MARCHF5: variants seen among roughly 807,000 people sequenced by gnomAD.
MARCHF5 encodes membrane associated ring-CH-type finger 5.
In MARCHF5, 5 loss-of-function variants were observed where a neutral mutation model predicts 36.5. The ratio of observed to expected loss-of-function variants is 0.14; its 90% CI spans 0.07 to 0.29. The LOEUF (loss-of-function observed/expected upper bound fraction) is 0.29, where lower values mean the gene tolerates loss of function less well. Ranked by LOEUF, MARCHF5 falls within the 10% of genes least tolerant of loss-of-function variation. MARCHF5 has a pLI of 1.00. For synonymous variants in MARCHF5, 103 were observed against 109.9 expected, an observed-to-expected ratio of 0.94 and a Z score of 0.39; for missense variants, 179 against 336.3, an observed-to-expected ratio of 0.53 and a Z score of 3.66.
chr10:92,297,483 C>CTTTTT (rs965295861), intron 1 of MARCHF5, among the ~76,000 whole-genome samples: 3 of 122,970 alleles, frequency 2.4e-5, no homozygotes, highest in South Asian at 2.6e-4. Flanking sequence ...CAGCTTTCAA[C>CTTTTT]TTTTTTTTTT....
chr10:92,311,057 A>ATC, intron 1 of MARCHF5, 78 bp from the exon 2 acceptor site: 2 of 1,027,634 alleles, frequency 1.9e-6, no homozygotes, highest in Non-Finnish European at 2.9e-6. Context: ...GGCTCATCCC[A>ATC]TTAAGTAAGA....
At chr10:92,339,569 C>T (rs567802074) in intron 2 of MARCHF5, among the ~76,000 whole-genome samples, 21 of 152,154 alleles carry the variant, frequency 1.4e-4, no homozygotes, top group African/African-American at 5.1e-4. Flanking sequence ...ACTCAGGACG[C>T]TGAGGCAGGA....
chr10:92,344,782 TG>T (rs1843621518), intron 3 of MARCHF5, among the ~76,000 whole-genome samples: 1 of 152,224 alleles, frequency 6.6e-6, no homozygotes, highest in Non-Finnish European at 1.5e-5. Context: ...TTTTTAGTTG[TG>T]GGGAACTTGA....
At chr10:92,341,972 G>C (rs773216918) in intron 3 of MARCHF5, among the ~76,000 whole-genome samples, 4 of 151,554 alleles carry the variant, frequency 2.6e-5, no homozygotes, top group Non-Finnish European at 5.9e-5. Flanking sequence ...TCTAAGGATG[G>C]TGGGAGGGGT....
chr10:92,344,598 T>C (rs1843619217), intron 3 of MARCHF5, among the ~76,000 whole-genome samples: 1 of 152,160 alleles, frequency 6.6e-6, no homozygotes, highest in South Asian at 2.1e-4. Flanking sequence ...TGATAGAGAA[T>C]GTGCCCCTCT....
intron 1 of MARCHF5, among the ~76,000 whole-genome samples, chr10:92,304,192 T>C (rs1489610648): frequency 6.6e-6 from 1 of 152,226 alleles, no homozygotes; most frequent in East Asian, 1.9e-4. Flanking sequence ...TATGTGCTAA[T>C]GGTAAGAAAA....
chr10:92,315,024 G>C (rs954226031), intron 2 of MARCHF5, among the ~76,000 whole-genome samples: 1 of 152,234 alleles, frequency 6.6e-6, no homozygotes, highest in Non-Finnish European at 1.5e-5. Flanking sequence ...TTGGCTTTCA[G>C]GTGGTGGGCT....
intron 1 of MARCHF5, among the ~76,000 whole-genome samples, chr10:92,295,032 T>G (rs1282072414): frequency 1.3e-5 from 2 of 152,132 alleles, no homozygotes; most frequent in African/African-American, 4.8e-5. Context: ...AGACCCTGTC[T>G]TAAAAAAAAA....
chr10:92,327,707 C>T (rs1843382840), intron 2 of MARCHF5, among the ~76,000 whole-genome samples: 1 of 152,190 alleles, frequency 6.6e-6, no homozygotes, highest in Non-Finnish European at 1.5e-5. Flanking sequence ...TATCTGCTGC[C>T]TTAGCATTGA....
At chr10:92,322,951 T>C (rs1843309458) in intron 2 of MARCHF5, among the ~76,000 whole-genome samples, 1 of 152,046 alleles carries the variant, frequency 6.6e-6, no homozygotes, top group Admixed American at 6.5e-5. Context: ...TTGGCCAGGA[T>C]GGTCTTGATC....
chr10:92,310,932 A>G (rs2135186132), intron 1 of MARCHF5, among the ~76,000 whole-genome samples: 1 of 152,336 alleles, frequency 6.6e-6, no homozygotes, highest in African/African-American at 2.4e-5. Context: ...TAAGTTCTGT[A>G]GAGGAAGACA....
chr10:92,333,022 T>C (rs1298211111), intron 2 of MARCHF5, among the ~76,000 whole-genome samples: 1 of 151,836 alleles, frequency 6.6e-6, no homozygotes, highest in Non-Finnish European at 1.5e-5. Flanking sequence ...TAGCCAGGCA[T>C]GGTGACACAT....
At chr10:92,315,920 A>C (rs969781614) in intron 2 of MARCHF5, among the ~76,000 whole-genome samples, 3 of 152,192 alleles carry the variant, frequency 2.0e-5, no homozygotes, top group Non-Finnish European at 4.4e-5. Flanking sequence ...GCAATAAAGA[A>C]CCTAAAAGGA....
chr10:92,312,973 C>T (rs1421541340), intron 2 of MARCHF5, among the ~76,000 whole-genome samples: 2 of 152,374 alleles, frequency 1.3e-5, no homozygotes, highest in South Asian at 2.1e-4. Flanking sequence ...TGGCGGCTCA[C>T]GCCTGTAATC....
intron 3 of MARCHF5, among the ~76,000 whole-genome samples, chr10:92,345,297 G>GGCCAGGAGTTGAGA (rs1310201341): frequency 2.0e-5 from 3 of 152,110 alleles, no homozygotes; most frequent in Non-Finnish European, 4.4e-5. Context: ...GAACCCTTGA[G>GGCCAGGAGTTGAGA]GCCAGGAGTT....
chr10:92,327,479 T>C (rs1161717407), intron 2 of MARCHF5, among the ~76,000 whole-genome samples: 1 of 152,170 alleles, frequency 6.6e-6, no homozygotes, highest in Non-Finnish European at 1.5e-5. Context: ...TAAACAACTT[T>C]GGGAAGTAAT....
At chr10:92,318,807 C>T (rs954743320) in intron 2 of MARCHF5, among the ~76,000 whole-genome samples, 4 of 151,780 alleles carry the variant, frequency 2.6e-5, no homozygotes, top group African/African-American at 7.3e-5. Context: ...GGTTGGTACA[C>T]GTGATTCTCC....
At chr10:92,337,656 A>C (rs1354060181) in intron 2 of MARCHF5, among the ~76,000 whole-genome samples, 1 of 152,152 alleles carries the variant, frequency 6.6e-6, no homozygotes, top group African/African-American at 2.4e-5. Flanking sequence ...ACACTGAAGA[A>C]ATAATAGCAT....
rs1019014096 is a variant in MARCHF5, at chr10:92,291,319, C to T, written c.-176C>T. ...GCTCTCCGCCGCCTCCGCCGGACTC[C>T]CGCAGGCCCTGCACCGCCGCCGCCA... On this transcript the variant is annotated 5_prime_UTR_variant, in exon 1 of 6. Transcript: ENST00000358935. 3.3e-6 allele frequency: 2 copies of T among 613,108 alleles called. No homozygotes were observed. The highest frequency in any genetic ancestry group is 1.9e-5 in the African/African-American group (1 of 51,288). 38.0% of individuals were successfully genotyped at this position (613,108 alleles called of 1,614,324 possible). A position where few individuals can be genotyped will look rare whatever the true frequency, so the allele number is the denominator to read the frequency against.
Sources: allele counts gnomAD v4.1 joint callset (sites outside exome capture counted in the v4.1 genomes callset), GRCh38; gene constraint gnomAD v4.1.1; transcripts MANE v1.5; gene names NCBI Gene and HGNC (gene_info 2026-07-23, HGNC 2026-07-21).